The following CNTLN variants were observed in gnomAD, a reference collection of about 807,000 sequenced individuals.
CNTLN encodes the protein centlein.
CNTLN carries 212 observed loss-of-function variants against 180.0 expected under a neutral mutation model. The observed-to-expected ratio is 1.18, with a 90% CI of 1.05 to 1.32. The LOEUF is 1.32. Among genes scored for constraint, CNTLN ranks in the 40% most tolerant of loss-of-function variants. The pLI, the probability that CNTLN is intolerant of heterozygous loss-of-function variation, is 0.00. For missense variants in CNTLN, 2,095 were observed against 1,610.9 expected (o/e 1.30, Z -5.14); for synonymous variants, 722 against 563.1 (o/e 1.28, Z -3.99).
chr9:17,157,477 C>G (rs540425269), intron 2 of CNTLN, among the ~76,000 whole-genome samples: 18 of 152,214 alleles, frequency 1.2e-4, no homozygotes, highest in African/African-American at 4.1e-4. Flanking sequence ...AGCATTTCCT[C>G]AATGTGAAAG....
chr9:17,384,167 C>T (rs981370306), intron 13 of CNTLN, among the ~76,000 whole-genome samples: 1 of 151,882 alleles, frequency 6.6e-6, no homozygotes. Flanking sequence ...ATAGCATGTT[C>T]AAATTCCCCT....
intron 2 of CNTLN, among the ~76,000 whole-genome samples, chr9:17,158,031 A>G (rs922355821): frequency 6.6e-6 from 1 of 152,222 alleles, no homozygotes; most frequent in African/African-American, 2.4e-5. Context: ...CTTGGTTCCC[A>G]TTGCCAAGAT....
intron 10 of CNTLN, among the ~76,000 whole-genome samples, chr9:17,333,042 G>C (rs888850695): frequency 6.6e-6 from 1 of 152,100 alleles, no homozygotes; most frequent in African/African-American, 2.4e-5. Context: ...CAAGTGAAAA[G>C]AGAATTTCTT....
chr9:17,298,423 T>C, intron 7 of CNTLN, 71 bp downstream of exon 7: 3 of 1,320,392 alleles, frequency 2.3e-6, no homozygotes, highest in Non-Finnish European at 2.9e-6. Context: ...AGAATTCAGA[T>C]TTTTTCAAAT....
intron 23 of CNTLN, among the ~76,000 whole-genome samples, chr9:17,470,687 A>G (rs1019679312): frequency 6.6e-6 from 1 of 151,938 alleles, no homozygotes; most frequent in Non-Finnish European, 1.5e-5. Context: ...GTATTTGCTC[A>G]GTTTGACTCA....
chr9:17,271,372 A>T (rs1303565563), intron 5 of CNTLN, among the ~76,000 whole-genome samples: 1 of 152,088 alleles, frequency 6.6e-6, no homozygotes, highest in Non-Finnish European at 1.5e-5. Flanking sequence ...TAGCTTTAGG[A>T]CCACCTGTAC....
At position 17,226,348 on chromosome 9, in the gene CNTLN, A is replaced by C. The variant is rs937157823; in HGVS notation, c.534+61A>C. Reference sequence around the variant, plus strand: ...ATTTGTTTTGGGTAGTAGATCTTCAAAATTATTTTTATTTTTTTGCAATAG... The same window carrying C: ...ATTTGTTTTGGGTAGTAGATCTTCACAATTATTTTTATTTTTTTGCAATAG... On this transcript the variant is annotated intron_variant, in intron 3 of 25. Transcript: ENST00000380647. 4 of 913,274 alleles carry C rather than the reference A, an allele frequency of 4.4e-6. No homozygotes were observed. In the African/African-American group the frequency reaches 7.1e-5, roughly 16 times the overall value. The allele number at this position is 913,274 out of a possible 1,614,324, so 56.6% of individuals were successfully genotyped here. A position where few individuals can be genotyped will look rare whatever the true frequency, so the allele number is the denominator to read the frequency against.
chr9:17,136,781 C>T (rs981971471), intron 1 of CNTLN, among the ~76,000 whole-genome samples: 2 of 151,990 alleles, frequency 1.3e-5, no homozygotes, highest in Non-Finnish European at 2.9e-5. Flanking sequence ...TTTTTCTGTT[C>T]TTCGTTGGAT....
intron 2 of CNTLN, among the ~76,000 whole-genome samples, chr9:17,186,912 T>G (rs1821466898): frequency 6.6e-6 from 1 of 152,070 alleles, no homozygotes; most frequent in Admixed American, 6.5e-5. Context: ...AAACTGAATT[T>G]GATGGATTAG....
intron 2 of CNTLN, among the ~76,000 whole-genome samples, chr9:17,189,855 C>G (rs1290148894): frequency 6.6e-6 from 1 of 151,980 alleles, no homozygotes; most frequent in Non-Finnish European, 1.5e-5. Flanking sequence ...TCTTTTCACT[C>G]TGACTGATGG....
chr9:17,404,684 T>C (rs1014625636), intron 15 of CNTLN, among the ~76,000 whole-genome samples: 17 of 151,666 alleles, frequency 1.1e-4, no homozygotes, highest in Non-Finnish European at 7.3e-5. Context: ...TAAAAAGTTG[T>C]GTACAATCCT....
At chr9:17,290,921 T>C (rs1457579353) in intron 6 of CNTLN, among the ~76,000 whole-genome samples, 1 of 152,128 alleles carries the variant, frequency 6.6e-6, no homozygotes, top group Non-Finnish European at 1.5e-5. Context: ...CACTCCCTAG[T>C]GAGAGAAACC....
chr9:17,171,426 G>A (rs767702925), intron 2 of CNTLN, among the ~76,000 whole-genome samples: 11 of 152,204 alleles, frequency 7.2e-5, no homozygotes, highest in Non-Finnish European at 1.3e-4. Context: ...TTTGTCAGCT[G>A]AAGTCAGTAT....
chr9:17,241,007 C>T (rs529917844), intron 5 of CNTLN, among the ~76,000 whole-genome samples: 34 of 152,132 alleles, frequency 2.2e-4, no homozygotes, highest in South Asian at 1.2e-3. Context: ...TACAGGCGCC[C>T]GGCACCACAC....
At chr9:17,213,144 T>C (rs1823459561) in intron 2 of CNTLN, among the ~76,000 whole-genome samples, 1 of 152,232 alleles carries the variant, frequency 6.6e-6, no homozygotes, top group Admixed American at 6.5e-5. Flanking sequence ...TTAATTGTGA[T>C]GCTAGGGTGT....
At chr9:17,500,790 G>A (rs556524729) in intron 25 of CNTLN, among the ~76,000 whole-genome samples, 56 of 142,392 alleles carry the variant, frequency 3.9e-4, no homozygotes, top group African/African-American at 1.3e-3. Context: ...GTGTAGTACT[G>A]CGTGACATCA....
At chr9:17,278,689 A>T (rs760377070) in intron 6 of CNTLN, among the ~76,000 whole-genome samples, 1 of 152,152 alleles carries the variant, frequency 6.6e-6, no homozygotes, top group Non-Finnish European at 1.5e-5. Flanking sequence ...TGCTATAGTT[A>T]TTTTGGTATA....
chr9:17,307,788 A>G (rs1818821953), intron 7 of CNTLN, among the ~76,000 whole-genome samples: 1 of 152,122 alleles, frequency 6.6e-6, no homozygotes, highest in Non-Finnish European at 1.5e-5. Flanking sequence ...TAGATGAACT[A>G]AAGCTTTACA....
chr9:17,466,279 G>A (rs2584542), intron 22 of CNTLN, among the ~76,000 whole-genome samples, 161 bp downstream of exon 22: 20,923 of 151,304 alleles, frequency 0.14, 2,288 homozygotes, highest in African/African-American at 0.3. Context: ...GCCAAACATT[G>A]GTTTAACATT....
Sources: allele counts gnomAD v4.1 joint callset (sites outside exome capture counted in the v4.1 genomes callset), GRCh38; gene constraint gnomAD v4.1.1; transcripts MANE v1.5; gene names NCBI Gene and HGNC (gene_info 2026-07-23, HGNC 2026-07-21).